Variants in LIPC observed in about 807,000 individuals in gnomAD.
The protein encoded by LIPC is lipase C, hepatic type, also known as hepatic triacylglycerol lipase.
Under a neutral mutation model 50.7 loss-of-function variants are expected in LIPC, and 44 were observed. The observed-to-expected ratio is 0.87, with a 90% CI of 0.68 to 1.11. The LOEUF (loss-of-function observed/expected upper bound fraction) is 1.11, where lower values mean the gene tolerates loss of function less well. Ranked by LOEUF, LIPC falls within the 50% of genes most tolerant of loss-of-function variation. The pLI, the probability that LIPC is intolerant of heterozygous loss-of-function variation, is 0.00. For synonymous variants in LIPC, 271 were observed against 256.4 expected (o/e 1.06, Z -0.54); for missense variants, 697 against 648.2 (o/e 1.08, Z -0.82).
At position 58,458,395 on chromosome 15, in the gene LIPC, C is replaced by A. The variant is rs116139520; in HGVS notation, c.88+26275C>A. Among the ~76,000 whole-genome samples the A allele has an allele frequency of 4.8e-3, 724 of 152,270 alleles. 4 individuals carry two copies. Among genetic ancestry groups the A allele is most frequent in the African/African-American group, 0.017 (698 of 41,560 alleles). ...TCTACCTCTTGCAATTAAAGCACAG[C>A]CCAGGCAGGTTTTTCTTAAACAGGA... is the stretch of plus-strand genomic sequence containing the variant. On this transcript the variant is annotated intron_variant, in intron 1 of 8. Coordinates refer to ENST00000299022, the MANE Select transcript of LIPC (RefSeq NM_000236.3).
rs761668960 is a variant in LIPC, at chr15:58,563,579, T to C, written c.1244T>C (p.Met415Thr). Residue 415 changes from methionine (M) to threonine (T), a missense_variant, in exon 8 of 9, where the codon ATG (methionine) becomes ACG (threonine). Met to Thr is a moderately conservative substitution (Grantham distance 81, BLOSUM62 -1). Transcript: ENST00000299022. ...TLDVDIGELI[M>T]IKFKWENSAV... Reference sequence around the variant, plus strand: ...GATGTGGATATCGGCGAGCTGATCATGATCAAGTTCAAGTGGGAAAACAGT... The same window carrying C: ...GATGTGGATATCGGCGAGCTGATCACGATCAAGTTCAAGTGGGAAAACAGT... 1.2e-5 allele frequency: 20 copies of C among 1,614,238 alleles called. No homozygotes were observed. Among genetic ancestry groups the C allele is most frequent in the South Asian group, 2.2e-5 (2 of 91,084 alleles).
intron 1 of LIPC, among the ~76,000 whole-genome samples, chr15:58,504,812 A>C (rs1357384717): frequency 6.6e-6 from 1 of 152,208 alleles, no homozygotes; most frequent in Non-Finnish European, 1.5e-5. Flanking sequence ...AGCACGACCC[A>C]GTGTGTAACT....
intron 1 of LIPC, among the ~76,000 whole-genome samples, chr15:58,433,747 G>C (rs1260564441): frequency 1.3e-5 from 2 of 152,226 alleles, no homozygotes; most frequent in Admixed American, 6.5e-5. Context: ...TCATTGTCCT[G>C]ATCAGCCTGC....
At chr15:58,530,098 A>AT (rs1892912654) in intron 1 of LIPC, among the ~76,000 whole-genome samples, 1 of 152,158 alleles carries the variant, frequency 6.6e-6, no homozygotes, top group Admixed American at 6.5e-5. Context: ...AGGAAAATGA[A>AT]TTTTTCCTCA....
intron 1 of LIPC, among the ~76,000 whole-genome samples, chr15:58,519,529 A>G (rs1280595306): frequency 6.6e-6 from 1 of 152,208 alleles, no homozygotes; most frequent in African/African-American, 2.4e-5. Flanking sequence ...CATGCATTGA[A>G]CACAGAGTGT....
intron 8 of LIPC, among the ~76,000 whole-genome samples, chr15:58,566,960 A>G (rs753227887): frequency 2.6e-5 from 4 of 152,092 alleles, no homozygotes; most frequent in Admixed American, 6.6e-5. Flanking sequence ...TTCAACAACT[A>G]ACGTTTAGTG....
At chr15:58,543,376 C>T (rs574560118) in intron 4 of LIPC, among the ~76,000 whole-genome samples, 3 of 151,552 alleles carry the variant, frequency 2.0e-5, no homozygotes, top group African/African-American at 4.8e-5. Context: ...CCAGAGTGCC[C>T]CAGCCTCTCC....
At chr15:58,498,544 G>A (rs1023253817) in intron 1 of LIPC, 4 of 152,074 alleles carry the variant, frequency 2.6e-5, no homozygotes, top group Non-Finnish European at 5.9e-5. Context: ...TATATCCCTG[G>A]TGCTAAAACT....
In LIPC at chr15:58,496,698, A is replaced by G. The variant is rs1566929307; in HGVS notation, c.89-41635A>G. On this transcript the variant is annotated intron_variant, in intron 1 of 8. Coordinates refer to ENST00000299022, the MANE Select transcript of LIPC (RefSeq NM_000236.3). ...AGCACAATTTAGACGAATACTCACA[A>G]AATTAAGCAGAGAACCCAAGCCCTG... Among the ~76,000 whole-genome samples, 8 of 148,460 alleles carry G rather than the reference A, an allele frequency of 5.4e-5. No homozygotes were observed. In the South Asian group the frequency reaches 1.7e-3, roughly 32 times the overall value.
At chr15:58,442,187 C>T (rs1893530580) in intron 1 of LIPC, among the ~76,000 whole-genome samples, 1 of 152,158 alleles carries the variant, frequency 6.6e-6, no homozygotes, top group South Asian at 2.1e-4. Context: ...GTGAATGGGA[C>T]TGATTAGAAT....
intron 1 of LIPC, among the ~76,000 whole-genome samples, chr15:58,517,032 G>T (rs1424050736): frequency 1.3e-5 from 2 of 152,240 alleles, no homozygotes; most frequent in Non-Finnish European, 2.9e-5. Context: ...AACTTTGTTA[G>T]ATGGGACCAG....
At chr15:58,487,268 T>A (rs536598662) in intron 1 of LIPC, among the ~76,000 whole-genome samples, 1 of 152,216 alleles carries the variant, frequency 6.6e-6, no homozygotes, top group South Asian at 2.1e-4. Context: ...GACTTAACCT[T>A]GTAGAGCTTC....
intron 1 of LIPC, among the ~76,000 whole-genome samples, chr15:58,461,073 G>A (rs949628495): frequency 1.1e-4 from 17 of 152,146 alleles, no homozygotes; most frequent in Admixed American, 7.2e-4. Flanking sequence ...AGGTGAGGAC[G>A]GCAGTTCTCA....
intron 6 of LIPC, among the ~76,000 whole-genome samples, chr15:58,552,863 G>A (rs1413068314): frequency 6.6e-6 from 1 of 152,192 alleles, no homozygotes; most frequent in African/African-American, 2.4e-5. Context: ...CAAAACCTAT[G>A]TGGGCACCAA....
At chr15:58,477,854 G>A (rs1365945017) in intron 1 of LIPC, among the ~76,000 whole-genome samples, 1 of 152,084 alleles carries the variant, frequency 6.6e-6, no homozygotes, top group Non-Finnish European at 1.5e-5. Flanking sequence ...TAGACCTGTG[G>A]GAACTGACCT....
chr15:58,537,619 G>C (rs1276781229), intron 1 of LIPC, among the ~76,000 whole-genome samples: 1 of 151,932 alleles, frequency 6.6e-6, no homozygotes, highest in Non-Finnish European at 1.5e-5. Flanking sequence ...TGTGAGCCTC[G>C]ACTCATGTTG....
intron 2 of LIPC, among the ~76,000 whole-genome samples, chr15:58,538,970 T>A (rs995205125): frequency 1.3e-5 from 2 of 152,230 alleles, no homozygotes; most frequent in African/African-American, 4.8e-5. Flanking sequence ...GAAATTTGTT[T>A]TCATTTCGCA....
At chr15:58,531,856 A>G (rs74565390) in intron 1 of LIPC, among the ~76,000 whole-genome samples, 2,554 of 152,298 alleles carry the variant, frequency 0.017, 45 homozygotes, top group Middle Eastern at 0.031. Flanking sequence ...TAGCTAGAAA[A>G]GAAACCCACT....
At chr15:58,447,626 A>C (rs1893746228) in intron 1 of LIPC, among the ~76,000 whole-genome samples, 1 of 152,204 alleles carries the variant, frequency 6.6e-6, no homozygotes, top group Non-Finnish European at 1.5e-5. Flanking sequence ...CCAGCTTCAA[A>C]TTGTGCTTTC....
Sources: gnomAD v4.1 joint callset for allele counts (sites outside exome capture counted in the v4.1 genomes callset) on GRCh38, gnomAD v4.1.1 for gene constraint, MANE v1.5 for transcripts, NCBI Gene and HGNC (gene_info 2026-07-23, HGNC 2026-07-21) for gene names.